Variants in DTD1 observed in about 807,000 individuals in gnomAD.
DTD1 encodes the protein D-aminoacyl-tRNA deacylase 1, also known as D-tyrosyl-tRNA deacylase 1 homolog.
DTD1 carries 13 observed loss-of-function variants against 25.6 expected under a neutral mutation model. The observed-to-expected ratio is 0.51, with a 90% confidence interval of 0.33 to 0.81. DTD1 has a LOEUF of 0.81. DTD1 is among the 30% of genes least tolerant of loss of function. The pLI, the probability that DTD1 is intolerant of heterozygous loss-of-function variation, is 0.02. For missense variants in DTD1, 193 were observed against 266.4 expected, an observed-to-expected ratio of 0.72 and a Z score of 1.92; for synonymous variants, 110 against 103.6, an observed-to-expected ratio of 1.06 and a Z score of -0.37.
chr20:18,662,916 C>A (rs189038650), intron 4 of DTD1, among the ~76,000 whole-genome samples: 5 of 152,068 alleles, frequency 3.3e-5, no homozygotes, highest in Non-Finnish European at 7.4e-5. Flanking sequence ...TGGCTCTTAT[C>A]GCAAAGTCAT....
intron 3 of DTD1, among the ~76,000 whole-genome samples, chr20:18,609,933 G>A (rs947686291): frequency 6.6e-6 from 1 of 152,222 alleles, no homozygotes; most frequent in Non-Finnish European, 1.5e-5. Flanking sequence ...CACAGAATGA[G>A]TAATTAAGTC....
intron 4 of DTD1, among the ~76,000 whole-genome samples, chr20:18,688,843 G>A (rs980279595): frequency 2.0e-5 from 3 of 152,118 alleles, no homozygotes; most frequent in African/African-American, 7.2e-5. Flanking sequence ...TGAGTAGGAA[G>A]CAGGAAGTCC....
intron 3 of DTD1, among the ~76,000 whole-genome samples, chr20:18,598,571 C>T (rs1396370602): frequency 1.3e-5 from 2 of 151,880 alleles, no homozygotes; most frequent in East Asian, 3.9e-4. Context: ...AATCTTGGCT[C>T]ACTGCAAGCT....
chr20:18,686,676 G>GTGTGGT (rs71194258), intron 4 of DTD1, among the ~76,000 whole-genome samples: 2 of 136,594 alleles, frequency 1.5e-5, no homozygotes, highest in Admixed American at 7.4e-5. Flanking sequence ...GTGTGTGTGT[G>GTGTGGT]GTGTGTGTGT....
chr20:18,637,156 C>A (rs1367855388), intron 4 of DTD1, among the ~76,000 whole-genome samples: 2 of 152,180 alleles, frequency 1.3e-5, no homozygotes, highest in East Asian at 3.9e-4. Context: ...CCCCAACTGT[C>A]TAAAAATACT....
chr20:18,732,636 G>A (rs1428922667), intron 4 of DTD1, among the ~76,000 whole-genome samples: 1 of 152,232 alleles, frequency 6.6e-6, no homozygotes. Flanking sequence ...AGCACTGGGA[G>A]TGTTAGAAGT....
At chr20:18,751,849 T>TG (rs2061322580) in intron 5 of DTD1, among the ~76,000 whole-genome samples, 1 of 147,578 alleles carries the variant, frequency 6.8e-6, no homozygotes, top group Admixed American at 7.0e-5. Flanking sequence ...TAGTTTTTTT[T>TG]TTTTGTTGTT....
intron 3 of DTD1, among the ~76,000 whole-genome samples, chr20:18,597,935 G>C (rs1222164250): frequency 6.6e-6 from 1 of 152,086 alleles, no homozygotes; most frequent in Non-Finnish European, 1.5e-5. Context: ...CTTTATGATT[G>C]CTTAGCTGGG....
In DTD1 at chr20:18,744,270, A is replaced by C; in HGVS notation, c.*18A>C. 1 of 1,610,332 alleles carries C rather than the reference A, an allele frequency of 6.2e-7. No individual in the cohort carries two copies. Among genetic ancestry groups the C allele is most frequent in the East Asian group, 2.2e-5 (1 of 44,862 alleles). On this transcript the variant is annotated splice_region_variant and 3_prime_UTR_variant, in exon 5 of 6. Transcript: ENST00000377452. ...AGCCGTAGCTCAGGAGGCAGAATTC[A>C]GGTAGGAGTTTCCCTGCTTGGCTTC...
intron 2 of DTD1, among the ~76,000 whole-genome samples, chr20:18,594,299 CT>C: frequency 6.6e-6 from 1 of 152,122 alleles, no homozygotes; most frequent in East Asian, 1.9e-4. Flanking sequence ...GCTCCCTGAC[CT>C]TGAAGCCAGT....
chr20:18,734,161 C>T (rs2061248109), intron 4 of DTD1, among the ~76,000 whole-genome samples: 1 of 152,194 alleles, frequency 6.6e-6, no homozygotes, highest in Non-Finnish European at 1.5e-5. Flanking sequence ...TAGATTCAGA[C>T]TCCTATCCTC....
intron 3 of DTD1, among the ~76,000 whole-genome samples, chr20:18,598,530 C>T (rs1462186154): frequency 6.6e-6 from 1 of 151,576 alleles, no homozygotes; most frequent in Non-Finnish European, 1.5e-5. Flanking sequence ...TGGAGTCTTG[C>T]TCTGTTGCCC....
At chr20:18,698,857 G>A (rs1298930073) in intron 4 of DTD1, 4 of 152,230 alleles carry the variant, frequency 2.6e-5, no homozygotes, top group African/African-American at 9.7e-5. Flanking sequence ...GGGACTCCAG[G>A]GCTGGTTACT....
Position 18,588,122 on chromosome 20 carries a change from C to A in DTD1, c.43+7C>A. The A allele has an allele frequency of 7.9e-7, 1 of 1,272,288 alleles. No individual in the cohort carries two copies. The highest frequency in any genetic ancestry group is 9.9e-7 in the Non-Finnish European group (1 of 1,010,696). 78.8% of individuals were successfully genotyped at this position (1,272,288 alleles called of 1,614,324 possible). A position where few individuals can be genotyped will look rare whatever the true frequency, so the allele number is the denominator to read the frequency against. On this transcript the variant is annotated splice_region_variant and intron_variant, in intron 1 of 5. Transcript: ENST00000377452. ...ACCCGGGCCAGCGTCACAGGTCAGTCGGGCGGGGCCGGGCCCGGGAGGAGC... is the reference window on the plus strand; with the variant it reads ...ACCCGGGCCAGCGTCACAGGTCAGTAGGGCGGGGCCGGGCCCGGGAGGAGC...
intron 5 of DTD1, among the ~76,000 whole-genome samples, chr20:18,754,596 G>A (rs2061332090): frequency 1.3e-5 from 2 of 152,184 alleles, no homozygotes; most frequent in South Asian, 4.1e-4. Flanking sequence ...AGCTTGAACA[G>A]GACTTCTGCT....
chr20:18,747,260 G>A (rs990240099), intron 5 of DTD1, among the ~76,000 whole-genome samples: 5 of 152,132 alleles, frequency 3.3e-5, no homozygotes, highest in Non-Finnish European at 7.4e-5. Context: ...GCTAACTTTT[G>A]GGTGACAGTG....
rs1161398994 is a variant in DTD1 at position 18,697,685 on chromosome 20, TTTTG to T, written c.478-46403_478-46400del. 2.6e-5 allele frequency among the ~76,000 whole-genome samples: 4 copies of T among 152,234 alleles called. No homozygotes were observed. The East Asian group carries it at 5.8e-4, about 22-fold the overall frequency. ...AGTGTGGATATTCAACTCACATATT[TTTTG>T]TTTGTTTGTTTTTGAGACAGAGTCT... On this transcript the variant is annotated intron_variant, in intron 4 of 5. Coordinates refer to ENST00000377452, the MANE Select transcript of DTD1 (RefSeq NM_080820.6).
intron 4 of DTD1, among the ~76,000 whole-genome samples, chr20:18,731,908 C>T (rs937847416): frequency 2.0e-5 from 3 of 152,178 alleles, no homozygotes; most frequent in Non-Finnish European, 2.9e-5. Context: ...ATTTACTCCT[C>T]CTGCTCCCAG....
intron 4 of DTD1, among the ~76,000 whole-genome samples, chr20:18,732,957 A>C (rs2122507240): frequency 6.6e-6 from 1 of 152,276 alleles, no homozygotes; most frequent in East Asian, 1.9e-4. Flanking sequence ...ACACATAACG[A>C]ATTCTCATGT....
Sources: allele counts gnomAD v4.1 joint callset (sites outside exome capture counted in the v4.1 genomes callset), GRCh38; gene constraint gnomAD v4.1.1; transcripts MANE v1.5; gene names NCBI Gene and HGNC (gene_info 2026-07-23, HGNC 2026-07-21).